Variants in FAT3 observed in about 807,000 individuals in gnomAD.
FAT3 encodes the protein protocadherin Fat 3.
A neutral mutation model predicts 310.2 loss-of-function variants in FAT3; 95 were observed. The observed-to-expected ratio is 0.31, with a 90% CI of 0.26 to 0.36. The LOEUF is 0.36. FAT3 is among the 10% of genes least tolerant of loss of function. The pLI, the probability that FAT3 is intolerant of heterozygous loss-of-function variation, is 1.00. For missense variants in FAT3, 5,408 were observed against 5,715.6 expected, an observed-to-expected ratio of 0.95 and a Z score of 1.74; for synonymous variants, 2,314 against 2,192.9, an observed-to-expected ratio of 1.06 and a Z score of -1.54.
intron 2 of FAT3, among the ~76,000 whole-genome samples, chr11:92,513,893 G>A (rs1953390416): frequency 6.6e-6 from 1 of 152,158 alleles, no homozygotes; most frequent in South Asian, 2.1e-4. Context: ...CTGATAGGTT[G>A]TTTGGAGCTG....
intron 1 of FAT3, among the ~76,000 whole-genome samples, chr11:92,279,121 A>C (rs978887094): frequency 6.6e-6 from 1 of 152,162 alleles, no homozygotes; most frequent in African/African-American, 2.4e-5. Context: ...ACATTACTAA[A>C]CCTTTTATCT....
intron 4 of FAT3, among the ~76,000 whole-genome samples, chr11:92,746,326 T>G (rs1328595155): frequency 6.6e-6 from 1 of 152,186 alleles, no homozygotes; most frequent in Non-Finnish European, 1.5e-5. Flanking sequence ...GGCAGCAGGC[T>G]AGAGGCTTGT....
chr11:92,646,063 C>G (rs1942154148), intron 3 of FAT3, among the ~76,000 whole-genome samples: 1 of 152,186 alleles, frequency 6.6e-6, no homozygotes, highest in Non-Finnish European at 1.5e-5. Context: ...TAATGTCTTA[C>G]AACAATCAAC....
intron 1 of FAT3, among the ~76,000 whole-genome samples, chr11:92,232,351 A>T (rs1449356045): frequency 6.6e-6 from 1 of 152,192 alleles, no homozygotes; most frequent in Non-Finnish European, 1.5e-5. Flanking sequence ...AGAATTTGGT[A>T]CCTATCTGAT....
intron 3 of FAT3, among the ~76,000 whole-genome samples, chr11:92,539,002 T>C (rs1038903731): frequency 1.3e-4 from 20 of 152,058 alleles, no homozygotes; most frequent in African/African-American, 4.8e-4. Context: ...TGCAGATACA[T>C]CAGTTAACCA....
At chr11:92,820,720 C>T (rs1947945036) in intron 13 of FAT3, among the ~76,000 whole-genome samples, 1 of 152,142 alleles carries the variant, frequency 6.6e-6, no homozygotes, top group East Asian at 1.9e-4. Context: ...CATAGATAAC[C>T]AGCTAAAAAA....
intron 2 of FAT3, among the ~76,000 whole-genome samples, chr11:92,395,521 T>G (rs1949848825): frequency 6.6e-6 from 1 of 152,114 alleles, no homozygotes; most frequent in African/African-American, 2.4e-5. Flanking sequence ...AAGGATGCCC[T>G]TTTTTGCATG....
intron 6 of FAT3, among the ~76,000 whole-genome samples, chr11:92,771,763 A>G (rs1591711671): frequency 1.7e-5 from 1 of 58,576 alleles, no homozygotes; most frequent in Admixed American, 1.6e-4. Context: ...AGAGAACTGT[A>G]AAAAAAAAAA....
At position 92,831,714 on chromosome 11, in the gene FAT3, C is replaced by A; in HGVS notation, c.9574C>A (p.Pro3192Thr). 6.2e-7 allele frequency: 1 copy of A among 1,613,632 alleles called. No homozygotes were observed. ...SSSGIIILEQ[P>T]LDREQQSSYN... is the part of the protein sequence containing the mutation. ...ATCTGGCATCATCATCCTGGAGCAG[C>A]CACTGGACCGTGAGCAGCAGTCTTC... Residue 3192 changes from proline to threonine, a missense_variant, in exon 14 of 28, where the codon CCA becomes ACA. Pro to Thr is a conservative substitution (Grantham distance 38). This residue lies in a region of FAT3 where 4,588 missense variants were observed against 4,809.8 expected (regional missense o/e 0.95). Transcript: ENST00000525166.
At chr11:92,548,916 T>C (rs1471504836) in intron 3 of FAT3, among the ~76,000 whole-genome samples, 2 of 152,202 alleles carry the variant, frequency 1.3e-5, no homozygotes, top group African/African-American at 4.8e-5. Flanking sequence ...GCATTTGCAG[T>C]TTTTATTGGC....
At chr11:92,469,831 AAG>A (rs1434135880) in intron 2 of FAT3, among the ~76,000 whole-genome samples, 1 of 151,416 alleles carries the variant, frequency 6.6e-6, no homozygotes, top group Non-Finnish European at 1.5e-5. Context: ...GTGATTATTA[AAG>A]ATAAAAAATA....
At chr11:92,855,113 G>A (rs1385342740) in intron 19 of FAT3, among the ~76,000 whole-genome samples, 1 of 152,174 alleles carries the variant, frequency 6.6e-6, no homozygotes, top group Non-Finnish European at 1.5e-5. Flanking sequence ...ATAGACTACT[G>A]GTCAATATTT....
At chr11:92,432,868 A>G (rs529599467) in intron 2 of FAT3, among the ~76,000 whole-genome samples, 1 of 152,232 alleles carries the variant, frequency 6.6e-6, no homozygotes, top group African/African-American at 2.4e-5. Context: ...TGTCCCAGGG[A>G]GATAGGAGTT....
At chr11:92,689,986 G>A (rs375615725) in intron 3 of FAT3, among the ~76,000 whole-genome samples, 45 of 152,264 alleles carry the variant, frequency 3.0e-4, no homozygotes, top group South Asian at 6.2e-4. Flanking sequence ...AGAACTCTCC[G>A]TCCAGGCTGT....
At chr11:92,712,483 G>C (rs1391616154) in intron 4 of FAT3, among the ~76,000 whole-genome samples, 1 of 152,122 alleles carries the variant, frequency 6.6e-6, no homozygotes, top group East Asian at 1.9e-4. Flanking sequence ...ATGAATATGA[G>C]TCTGTTGTGA....
At chr11:92,439,818 A>C (rs1345594950) in intron 2 of FAT3, among the ~76,000 whole-genome samples, 3 of 152,216 alleles carry the variant, frequency 2.0e-5, no homozygotes, top group East Asian at 3.9e-4. Context: ...CAGGAGGCTG[A>C]GGCGGGAGGG....
At position 92,798,167 on chromosome 11, in the gene FAT3, A is replaced by G; in HGVS notation, c.5154A>G (p.Pro1718=). 1.2e-6 allele frequency: 2 copies of G among 1,613,978 alleles called. No individual in the cohort carries two copies. The highest frequency in any genetic ancestry group is 1.7e-6 in the Non-Finnish European group (2 of 1,179,860). The change falls in exon 10 of 28, where the codon CCA becomes CCG. Residue 1718 remains proline, a synonymous_variant. Coordinates refer to ENST00000525166, the MANE Select transcript of FAT3 (RefSeq NM_001367949.2). ...TTAATGGGATCTTTACCATAAATCCATATTCTGGAGTCATCACCACTCAGA... is the reference window on the plus strand; with the variant it reads ...TTAATGGGATCTTTACCATAAATCCGTATTCTGGAGTCATCACCACTCAGA... The part of the protein sequence containing the change: ...GDINGIFTIN[P]YSGVITTQKA...
intron 3 of FAT3, among the ~76,000 whole-genome samples, chr11:92,664,379 C>T (rs1413817416): frequency 6.6e-6 from 1 of 152,182 alleles, no homozygotes; most frequent in African/African-American, 2.4e-5. Flanking sequence ...CTTATGTCAT[C>T]TGATACTCAG....
chr11:92,887,155 T>C, intron 25 of FAT3, 42 bp downstream of exon 25: 2 of 1,532,178 alleles, frequency 1.3e-6, no homozygotes, highest in South Asian at 1.2e-5. Context: ...TGGGTTCTGC[T>C]TCCTGTTCTG....
Sources: allele counts gnomAD v4.1 joint callset (sites outside exome capture counted in the v4.1 genomes callset), GRCh38; gene constraint gnomAD v4.1.1; regional missense constraint gnomAD v4.1.1; transcripts MANE v1.5; gene names NCBI Gene and HGNC (gene_info 2026-07-23, HGNC 2026-07-21).